Variants in SCAND3 observed in about 807,000 individuals in gnomAD.
SCAND3 encodes the protein SCAN domain-containing protein 3.
the SCAND3 span, chr6:28,589,416 A>G: frequency 6.6e-6 from 1 of 151,880 alleles, no homozygotes; most frequent in African/African-American, 2.4e-5. Flanking sequence ...TGGACTTTGA[A>G]TCCAGCAATC....
chr6:28,584,840 A>C, the SCAND3 span, among the ~76,000 whole-genome samples: 2 of 152,248 alleles, frequency 1.3e-5, no homozygotes, highest in African/African-American at 4.8e-5. Flanking sequence ...TGGAAAGTAC[A>C]GTAGTTCTTG....
the SCAND3 span, among the ~76,000 whole-genome samples, chr6:28,592,669 A>G: frequency 4.6e-5 from 7 of 152,218 alleles, no homozygotes; most frequent in Non-Finnish European, 1.0e-4. The surrounding 1 kb of genome is among the most constrained non-coding windows in gnomAD (Gnocchi z 4.1). Context: ...TTCACTATTT[A>G]TATCTATTAT....
the SCAND3 span, among the ~76,000 whole-genome samples, chr6:28,593,010 A>ATTTTTT: frequency 6.9e-6 from 1 of 145,596 alleles, no homozygotes; most frequent in South Asian, 2.2e-4. Context: ...CTGGGCAATG[A>ATTTTTT]TTTTTTTTTT....
chr6:28,583,079 G>T, the SCAND3 span, among the ~76,000 whole-genome samples: 1 of 151,906 alleles, frequency 6.6e-6, no homozygotes, highest in East Asian at 2.0e-4. Context: ...GGGCAAGGGT[G>T]GAAGGATATA....
the SCAND3 span, chr6:28,593,681 A>T: frequency 1.3e-5 from 2 of 152,176 alleles, no homozygotes; most frequent in African/African-American, 2.4e-5. Context: ...GTCTCAAAAA[A>T]AACAAAAACT....
chr6:28,599,259 CA>C, the SCAND3 span, among the ~76,000 whole-genome samples: 1 of 152,158 alleles, frequency 6.6e-6, no homozygotes, highest in Non-Finnish European at 1.5e-5. Context: ...AGATTCAACA[CA>C]ATCCTAATGA....
At chr6:28,589,376 G>C in the SCAND3 span, 2 of 151,990 alleles carry the variant, frequency 1.3e-5, no homozygotes, top group Non-Finnish European at 2.9e-5. Flanking sequence ...TACCCTTGTG[G>C]TTGGTCCCAT....
the SCAND3 span, among the ~76,000 whole-genome samples, chr6:28,596,770 T>C: frequency 6.6e-6 from 1 of 152,190 alleles, no homozygotes; most frequent in Non-Finnish European, 1.5e-5. Flanking sequence ...GTCACATCTC[T>C]AAGCAGAGAC....
chr6:28,598,398 T>C, the SCAND3 span, among the ~76,000 whole-genome samples: 1 of 152,114 alleles, frequency 6.6e-6, no homozygotes, highest in East Asian at 1.9e-4. Flanking sequence ...TGTTTGTCCT[T>C]CCTTTGAAAT....
chr6:28,572,193 G>A, the SCAND3 span: 18 of 1,613,796 alleles, frequency 1.1e-5, 1 homozygote, highest in East Asian at 2.5e-4. The surrounding 1 kb of genome is among the most constrained non-coding windows in gnomAD (Gnocchi z 4.1). Context: ...ATCCTTCGTC[G>A]GTAGCCAGCT....
the SCAND3 span, among the ~76,000 whole-genome samples, chr6:28,615,528 A>T: frequency 6.6e-6 from 1 of 150,392 alleles, no homozygotes; most frequent in Non-Finnish European, 1.5e-5. Context: ...CAGGAGAATC[A>T]CTTGTACGTG....
chr6:28,573,191 A>G, the SCAND3 span: 2 of 1,613,964 alleles, frequency 1.2e-6, no homozygotes, highest in Non-Finnish European at 8.5e-7. Flanking sequence ...AGTTGCAATG[A>G]AAAATACTTT....
At chr6:28,588,571 G>T in the SCAND3 span, among the ~76,000 whole-genome samples, 1 of 152,138 alleles carries the variant, frequency 6.6e-6, no homozygotes, top group African/African-American at 2.4e-5. The surrounding 1 kb of genome is among the most constrained non-coding windows in gnomAD (Gnocchi z 4.1). Context: ...CGAGTTTGTT[G>T]TATGTACCTC....
the SCAND3 span, among the ~76,000 whole-genome samples, chr6:28,595,498 A>G: frequency 2.0e-5 from 3 of 152,022 alleles, no homozygotes; most frequent in African/African-American, 7.2e-5. Context: ...CGAAACGGGC[A>G]GATCACCTGA....
chr6:28,614,473 C>T, the SCAND3 span, among the ~76,000 whole-genome samples: 3 of 151,006 alleles, frequency 2.0e-5, no homozygotes, highest in African/African-American at 7.3e-5. Flanking sequence ...TTTTTCTTTT[C>T]TTTTTTTTGG....
At chr6:28,594,542 C>T in the SCAND3 span, among the ~76,000 whole-genome samples, 1 of 152,222 alleles carries the variant, frequency 6.6e-6, no homozygotes, top group Non-Finnish European at 1.5e-5. Context: ...GTAATCCCAG[C>T]TATTTGGGAG....
the SCAND3 span, chr6:28,572,077 A>G: frequency 1.2e-6 from 2 of 1,613,946 alleles, no homozygotes; most frequent in Admixed American, 1.7e-5. The surrounding 1 kb of genome is among the most constrained non-coding windows in gnomAD (Gnocchi z 4.1). Flanking sequence ...TGTTGAGGGG[A>G]AAAGAAGCAG....
chr6:28,615,008 G>A, the SCAND3 span, among the ~76,000 whole-genome samples: 2 of 152,174 alleles, frequency 1.3e-5, no homozygotes, highest in African/African-American at 4.8e-5. Flanking sequence ...AGAAAGTCTA[G>A]ATGTAAATTA....
chr6:28,583,095 C>G, the SCAND3 span, among the ~76,000 whole-genome samples: 1 of 151,092 alleles, frequency 6.6e-6, no homozygotes, highest in South Asian at 2.1e-4. Context: ...ATATAATCAT[C>G]AAAAATTCAA....
Sources: gnomAD v4.1 joint callset for allele counts (sites outside exome capture counted in the v4.1 genomes callset) on GRCh38, gnomAD v4.1.1 for gene constraint, Gnocchi (gnomAD v3.1) non-coding constraint, MANE v1.5 for transcripts, NCBI Gene and HGNC (gene_info 2026-07-23, HGNC 2026-07-21) for gene names.